The following MAGEB6 variants were observed in gnomAD, a reference collection of about 807,000 sequenced individuals.
The protein encoded by MAGEB6 is MAGE family member B6.
For missense variants in MAGEB6, 327 were observed against 329.7 expected, an observed-to-expected ratio of 0.99 and a Z score of 0.06; for synonymous variants, 128 against 136.2, an observed-to-expected ratio of 0.94 and a Z score of 0.42.
chrX:26,192,866 G>A (rs867602349), intron 1 of MAGEB6, among the ~76,000 whole-genome samples: 40 of 111,570 alleles, frequency 3.6e-4, no homozygotes, highest in Admixed American at 1.1e-3. Flanking sequence ...GGGGGTCCGG[G>A]CAGGTCTCTA....
Position 26,194,608 on chromosome X carries a change from A to C in MAGEB6, c.762A>C (p.Glu254Asp). The change falls in exon 2 of 2, where the codon GAA (glutamate) becomes GAC (aspartate). Residue 254 changes from glutamate (E) to aspartate (D), a missense_variant. Coordinates refer to ENST00000379034, the MANE Select transcript of MAGEB6 (RefSeq NM_173523.2). ...LVVAFGVELK[E>D]MDSSGESYTL... ...TGGCCTTTGGCGTTGAATTGAAAGA[A>C]ATGGATTCCAGCGGCGAGTCCTACA... 8.3e-7 allele frequency: 1 copy of C among 1,210,360 alleles called. No homozygotes were observed. The highest frequency in any genetic ancestry group is 1.1e-6 in the Non-Finnish European group (1 of 895,166).
Position 26,194,116 on chromosome X carries a change from T to A in MAGEB6, c.270T>A (p.Asp90Glu). The change falls in exon 2 of 2, where the codon GAT becomes GAA. Residue 90 changes from aspartate to glutamate, a missense_variant. Physicochemically the swap from Asp to Glu is conservative, Grantham distance 45. Coordinates refer to ENST00000379034, the MANE Select transcript of MAGEB6 (RefSeq NM_173523.2). ...SKSDVAANGQ[D>E]EKSPSTSRDA... ...CCGATGTGGCTGCCAACGGCCAAGA[T>A]GAGAAAAGTCCAAGCACCTCCCGTG... 1 of 1,202,182 alleles carries A rather than the reference T, an allele frequency of 8.3e-7. No individual in the cohort carries two copies. Among genetic ancestry groups the A allele is most frequent in the African/African-American group, 1.7e-5 (1 of 57,465 alleles).
rs1394353766 is a variant in MAGEB6 at position 26,194,429 on chromosome X, G to A, written c.583G>A (p.Val195Ile). The A allele has an allele frequency of 8.2e-7, 1 of 1,212,143 alleles. No individual in the cohort carries two copies. The highest frequency in any genetic ancestry group is 1.7e-5 in the African/African-American group (1 of 57,940). The change falls in exon 2 of 2, where the codon GTA becomes ATA. Residue 195 changes from valine (V) to isoleucine (I), a missense_variant. Coordinates refer to ENST00000379034, the MANE Select transcript of MAGEB6 (RefSeq NM_173523.2). ...TTTTAAGCGCTTAAGCAAAGATGCT[G>A]TAAAGAAGAAGGCGTGCACGTTGGC... The part of the protein sequence containing the change: ...IIFKRLSKDA[V>I]KKKACTLAQF...
chrX:26,194,443 G>A lies in MAGEB6; in HGVS notation c.597G>A (p.Ala199=), dbSNP rs370599063. 1.3e-5 allele frequency: 16 copies of A among 1,210,551 alleles called. No homozygotes were observed. Among genetic ancestry groups the A allele is most frequent in the South Asian group, 5.3e-5 (3 of 56,830 alleles). The stretch of plus-strand genomic sequence containing the variant: ...GCAAAGATGCTGTAAAGAAGAAGGC[G>A]TGCACGTTGGCGCAATTCCTGCAGA... ...RLSKDAVKKK[A]CTLAQFLQKK... The change falls in exon 2 of 2, where the codon GCG becomes GCA. Residue 199 remains alanine, a synonymous_variant. Transcript: ENST00000379034.
chrX:26,194,458 AT>A lies in MAGEB6; in HGVS notation c.614del (p.Phe205SerfsTer13), dbSNP rs1332488088. 5 of 1,212,126 alleles carry A rather than the reference AT, an allele frequency of 4.1e-6. No homozygotes were observed. Among genetic ancestry groups the A allele is most frequent in the Non-Finnish European group, 5.6e-6 (5 of 895,634 alleles). Reference sequence around the variant, plus strand: ...AGAAGAAGGCGTGCACGTTGGCGCAATTCCTGCAGAAGAAGTTTGAGAAGAA... The same window carrying A: ...AGAAGAAGGCGTGCACGTTGGCGCAATCCTGCAGAAGAAGTTTGAGAAGAA... Reference protein sequence around the residue: ...VKKKACTLAQFLQKKFEKKES... With the variant: ...VKKKACTLAQXLQKKFEKKES... On this transcript the variant is annotated frameshift_variant, in exon 2 of 2. Coordinates refer to ENST00000379034, the MANE Select transcript of MAGEB6 (RefSeq NM_173523.2). LOFTEE classifies it low-confidence loss of function (END_TRUNC).
intron 1 of MAGEB6, 129 bp from the exon 2 acceptor site, chrX:26,193,657 G>A (rs1269725170): frequency 5.3e-6 from 2 of 379,626 alleles, no homozygotes; most frequent in African/African-American, 5.1e-5. Flanking sequence ...AAACTGACCA[G>A]GAGAAAAGGA....
Position 26,194,111 on chromosome X carries a change from CA to C in MAGEB6, c.267del (p.Asp90MetfsTer89). Reference sequence around the variant, plus strand: ...AAAATCCGATGTGGCTGCCAACGGCCAAGATGAGAAAAGTCCAAGCACCTCC... The same window carrying C: ...AAAATCCGATGTGGCTGCCAACGGCCAGATGAGAAAAGTCCAAGCACCTCC... ...YSKSDVAANG[Q>X]DEKSPSTSRD... On this transcript the variant is annotated frameshift_variant, in exon 2 of 2. Transcript: ENST00000379034. LOFTEE classifies it low-confidence loss of function (END_TRUNC). 2 of 1,202,594 alleles carry C rather than the reference CA, an allele frequency of 1.7e-6. No individual in the cohort carries two copies. The highest frequency in any genetic ancestry group is 1.1e-6 in the Non-Finnish European group (1 of 890,488).
At position 26,194,259 on chromosome X, in the gene MAGEB6, C is replaced by A. The variant is rs1929156763; in HGVS notation, c.413C>A (p.Thr138Asn). 8.3e-7 allele frequency: 1 copy of A among 1,205,724 alleles called. No individual in the cohort carries two copies. Among genetic ancestry groups the A allele is most frequent in the African/African-American group, 1.8e-5 (1 of 56,187 alleles). ...ANGQDEKSPS[T>N]SHDVSVPQES... ...GGCCAAGATGAGAAAAGTCCAAGCA[C>A]TTCCCATGATGTCTCCGTTCCTCAG... Residue 138 changes from threonine (T) to asparagine (N), a missense_variant, in exon 2 of 2, where the codon ACT becomes AAT. Thr to Asn is a moderately conservative substitution (Grantham distance 65). Transcript: ENST00000379034.
Position 26,193,899 on chromosome X carries a change from C to T in MAGEB6, c.53C>T (p.Thr18Ile), listed in dbSNP as rs1929145851. The T allele has an allele frequency of 1.7e-6, 2 of 1,195,614 alleles. No homozygotes were observed. The highest frequency in any genetic ancestry group is 3.0e-5 in the East Asian group (1 of 33,634). Residue 18 changes from threonine (T) to isoleucine (I), a missense_variant, in exon 2 of 2, where the codon ACC (threonine) becomes ATC (isoleucine). Transcript: ENST00000379034. ...KLRTCEKRQE[T>I]NGQPQGLTGP... ...CGTACCTGTGAGAAACGCCAAGAGA[C>T]CAATGGTCAGCCACAGGGTCTCACG...
rs1274583886 is a variant in MAGEB6 at position 26,195,406 on chromosome X, G to C, written c.*336G>C. 2 of 196,472 alleles carry C rather than the reference G, an allele frequency of 1.0e-5. No homozygotes were observed. The highest frequency in any genetic ancestry group is 2.0e-5 in the Non-Finnish European group (2 of 100,087). 16.2% of individuals were successfully genotyped at this position (196,472 alleles called of 1,213,427 possible). On this transcript the variant is annotated 3_prime_UTR_variant, in exon 2 of 2. Coordinates refer to ENST00000379034, the MANE Select transcript of MAGEB6 (RefSeq NM_173523.2). ...TTAACCAATCTGAAAGTTACGGTTT[G>C]GGAATTAATAAAACAAAGTCATACA... is the stretch of plus-strand genomic sequence containing the variant.
rs376205420 is a variant in MAGEB6 at position 26,193,958 on chromosome X, T to C, written c.112T>C (p.Ser38Pro). Residue 38 changes from serine (S) to proline (P), a missense_variant, in exon 2 of 2, where the codon TCC becomes CCC. Physicochemically the swap from Ser to Pro is moderately conservative, Grantham distance 74. Transcript: ENST00000379034. ...PQATAEKQEE[S>P]HSSSSSSRAC... The stretch of plus-strand genomic sequence containing the variant: ...GGCCACTGCAGAGAAGCAGGAAGAG[T>C]CCCACTCTTCCTCATCCTCTTCTCG... 5 of 1,208,491 alleles carry C rather than the reference T, an allele frequency of 4.1e-6. No individual in the cohort carries two copies. The African/African-American group carries it at 8.8e-5, about 21-fold the overall frequency.
rs753723773 is a variant in MAGEB6, at chrX:26,193,796, T to C, written c.-51T>C. ...CTCTCTCCCATCCAGGTGCCAGCCT[T>C]CCTAGTCTTCCTACCCACACTCCTA... On this transcript the variant is annotated 5_prime_UTR_variant, in exon 2 of 2. Coordinates refer to ENST00000379034, the MANE Select transcript of MAGEB6 (RefSeq NM_173523.2). 5.3e-6 allele frequency: 6 copies of C among 1,130,176 alleles called. No individual in the cohort carries two copies. Among genetic ancestry groups the C allele is most frequent in the Non-Finnish European group, 5.9e-6 (5 of 854,638 alleles). The allele number at this position is 1,130,176 out of a possible 1,213,427, so 93.1% of individuals were successfully genotyped here.
rs1158863683 is a variant in MAGEB6 at position 26,195,441 on chromosome X, C to G, written c.*371C>G. 3 of 157,755 alleles carry G rather than the reference C, an allele frequency of 1.9e-5. No homozygotes were observed. Among genetic ancestry groups the G allele is most frequent in the East Asian group, 1.6e-4 (1 of 6,141 alleles). The allele number at this position is 157,755 out of a possible 1,213,427, so 13.0% of individuals were successfully genotyped here. ...AAAACAAAGTCATACAACACATTTT[C>G]TTTGTAATTGAGAACTAGATAACAT... On this transcript the variant is annotated 3_prime_UTR_variant, in exon 2 of 2. Coordinates refer to ENST00000379034, the MANE Select transcript of MAGEB6 (RefSeq NM_173523.2).
chrX:26,194,001 G>A lies in MAGEB6; in HGVS notation c.155G>A (p.Cys52Tyr). Residue 52 changes from cysteine (C) to tyrosine (Y), a missense_variant, in exon 2 of 2, where the codon TGT (cysteine) becomes TAT (tyrosine). By Grantham distance (194) the Cys-to-Tyr change is radical. Coordinates refer to ENST00000379034, the MANE Select transcript of MAGEB6 (RefSeq NM_173523.2). The stretch of plus-strand genomic sequence containing the variant: ...TCTTCTCGCGCTTGTCTGGGTGATT[G>A]TCGTAGGTCTTCTGATGCCTCCATT... ...SSSSRACLGD[C>Y]RRSSDASIPQ... 1 of 1,212,006 alleles carries A rather than the reference G, an allele frequency of 8.3e-7. No individual in the cohort carries two copies. Among genetic ancestry groups the A allele is most frequent in the Non-Finnish European group, 1.1e-6 (1 of 895,556 alleles).
Position 26,194,380 on chromosome X carries a change from A to T in MAGEB6, c.534A>T (p.Val178=). 8.2e-7 allele frequency: 1 copy of T among 1,212,210 alleles called. No homozygotes were observed. Among genetic ancestry groups the T allele is most frequent in the Non-Finnish European group, 1.1e-6 (1 of 895,610 alleles). Residue 178 remains valine (V), a synonymous_variant, in exon 2 of 2, where the codon GTA becomes GTT. Transcript: ENST00000379034. Reference sequence around the variant, plus strand: ...CCGAGGGTGAAGATGAGGAAAGTGTAAGCGCCTCACAGAAAGCCATCATTT... The same window carrying T: ...CCGAGGGTGAAGATGAGGAAAGTGTTAGCGCCTCACAGAAAGCCATCATTT... ...VAAEGEDEES[V]SASQKAIIFK... is the part of the protein sequence containing the mutation.
At chrX:26,193,086 T>C (rs1409870490) in intron 1 of MAGEB6, among the ~76,000 whole-genome samples, 1 of 111,251 alleles carries the variant, frequency 9.0e-6, no homozygotes. Context: ...GGTCTGGGTG[T>C]CCCCGGAATG....
chrX:26,193,962 A>T lies in MAGEB6; in HGVS notation c.116A>T (p.His39Leu). Residue 39 changes from histidine to leucine, a missense_variant, in exon 2 of 2, where the codon CAC (histidine) becomes CTC (leucine). By Grantham distance (99) the His-to-Leu change is moderately conservative. Coordinates refer to ENST00000379034, the MANE Select transcript of MAGEB6 (RefSeq NM_173523.2). ...QATAEKQEES[H>L]SSSSSSRACL... ...ACTGCAGAGAAGCAGGAAGAGTCCC[A>T]CTCTTCCTCATCCTCTTCTCGCGCT... 1 of 1,209,401 alleles carries T rather than the reference A, an allele frequency of 8.3e-7. No individual in the cohort carries two copies.
chrX:26,195,593 C>T lies in MAGEB6; in HGVS notation c.*523C>T, dbSNP rs1378214805. 1 of 124,439 alleles carries T rather than the reference C, an allele frequency of 8.0e-6. No individual in the cohort carries two copies. Among genetic ancestry groups the T allele is most frequent in the Non-Finnish European group, 1.9e-5 (1 of 53,964 alleles). 10.3% of individuals were successfully genotyped at this position (124,439 alleles called of 1,213,427 possible). A position where few individuals can be genotyped will look rare whatever the true frequency, so the allele number is the denominator to read the frequency against. ...TGTTTAATTCTTGGTTTGCCTAATTCGTTTTCCTATTTCTTTTCATACAAA... is the reference window on the plus strand; with the variant it reads ...TGTTTAATTCTTGGTTTGCCTAATTTGTTTTCCTATTTCTTTTCATACAAA... On this transcript the variant is annotated 3_prime_UTR_variant, in exon 2 of 2. Transcript: ENST00000379034.
Position 26,194,384 on chromosome X carries a change from G to C in MAGEB6, c.538G>C (p.Ala180Pro). 8.3e-7 allele frequency: 1 copy of C among 1,211,887 alleles called. No homozygotes were observed. Among genetic ancestry groups the C allele is most frequent in the African/African-American group, 1.7e-5 (1 of 57,863 alleles). ...GGGTGAAGATGAGGAAAGTGTAAGC[G>C]CCTCACAGAAAGCCATCATTTTTAA... The part of the protein sequence containing the change: ...AEGEDEESVS[A>P]SQKAIIFKRL... The change falls in exon 2 of 2, where the codon GCC becomes CCC. Residue 180 changes from alanine to proline, a missense_variant. Physicochemically the swap from Ala to Pro is conservative, Grantham distance 27 (BLOSUM62 -1). Coordinates refer to ENST00000379034, the MANE Select transcript of MAGEB6 (RefSeq NM_173523.2).
Sources: allele counts gnomAD v4.1 joint callset (sites outside exome capture counted in the v4.1 genomes callset), GRCh38; gene constraint gnomAD v4.1.1; transcripts MANE v1.5; gene names NCBI Gene and HGNC (gene_info 2026-07-23, HGNC 2026-07-21).